The following VSTM2A variants were observed in gnomAD, a reference collection of about 807,000 sequenced individuals.
The protein encoded by VSTM2A is V-set and transmembrane domain containing 2A, also known as V-set and transmembrane domain-containing protein 2A.
A neutral mutation model predicts 27.3 loss-of-function variants in VSTM2A; 13 were observed. The ratio of observed to expected loss-of-function variants is 0.48; its 90% CI spans 0.31 to 0.76. The LOEUF (loss-of-function observed/expected upper bound fraction) is 0.76, where lower values mean the gene tolerates loss of function less well. Among genes scored for constraint, VSTM2A ranks in the 30% least tolerant of loss-of-function variants. The pLI, the probability that VSTM2A is intolerant of heterozygous loss-of-function variation, is 0.05. For missense variants in VSTM2A, 280 were observed against 310.0 expected (o/e 0.90, Z 0.73); for synonymous variants, 142 against 125.7 (o/e 1.13, Z -0.87).
At chr7:54,550,218 C>T in intron 4 of VSTM2A, 48 bp downstream of exon 4, 3 of 1,555,972 alleles carry the variant, frequency 1.9e-6, no homozygotes, top group South Asian at 1.2e-5. Flanking sequence ...CACAAACGCT[C>T]CACAGAAAGG....
Position 54,547,009 on chromosome 7 carries a change from G to GA in VSTM2A, c.297+12_297+13insA, listed in dbSNP as rs768635055. The GA allele has an allele frequency of 1.7e-5, 27 of 1,583,778 alleles. No individual in the cohort carries two copies. Among genetic ancestry groups the GA allele is most frequent in the Non-Finnish European group, 2.1e-5 (25 of 1,167,878 alleles). ...GGACCAAGATCAGCGTGAGTGCGGG[G>GA]CGCGCCAAGGGCCGCGGGCCCAGGC... On this transcript the variant is annotated intron_variant, in intron 3 of 4. Coordinates refer to ENST00000402613, the MANE Select transcript of VSTM2A (RefSeq NM_001301009.2).
chr7:54,567,889 G>T (rs934540441), intron 4 of VSTM2A, among the ~76,000 whole-genome samples: 2 of 151,694 alleles, frequency 1.3e-5, no homozygotes, highest in Admixed American at 1.3e-4. Flanking sequence ...CATTTTCCTT[G>T]CAAAATCTCT....
intron 4 of VSTM2A, among the ~76,000 whole-genome samples, chr7:54,553,484 A>T (rs1384299960): frequency 1.3e-5 from 2 of 152,202 alleles, no homozygotes; most frequent in Non-Finnish European, 2.9e-5. Flanking sequence ...TCTATTTGCA[A>T]GAAGCTTATC....
intron 4 of VSTM2A, among the ~76,000 whole-genome samples, chr7:54,555,293 A>G (rs1788319593): frequency 6.6e-6 from 1 of 152,228 alleles, no homozygotes; most frequent in Non-Finnish European, 1.5e-5. Context: ...ATCACAACAG[A>G]GCATGTGTGA....
intron 4 of VSTM2A, chr7:54,558,289 T>A (rs945591925): frequency 1.3e-5 from 2 of 151,938 alleles, no homozygotes; most frequent in Non-Finnish European, 2.9e-5. Context: ...GAGACAAAAA[T>A]AAAATAGGAA....
At chr7:54,543,588 T>G (rs973068726) in intron 1 of VSTM2A, among the ~76,000 whole-genome samples, 11 of 151,256 alleles carry the variant, frequency 7.3e-5, no homozygotes, top group Non-Finnish European at 1.5e-4. Flanking sequence ...ACAGTGTCTC[T>G]CTTTAAACCG....
At position 54,549,962 on chromosome 7, in the gene VSTM2A, C is replaced by G. The variant is rs767081352; in HGVS notation, c.426C>G (p.Ala142=). Residue 142 remains alanine, a synonymous_variant, in exon 4 of 5, where the codon GCC becomes GCG. Transcript: ENST00000402613. ...ANYGELQEHK[A]QAYLKVNANS... ...ACGGGGAGCTTCAGGAACACAAGGC[C>G]CAGGCCTATCTGAAAGTCAATGCCA... 5 of 1,613,544 alleles carry G rather than the reference C, an allele frequency of 3.1e-6. No homozygotes were observed. The African/African-American group carries it at 6.7e-5, about 22-fold the overall frequency.
intron 2 of VSTM2A, chr7:54,546,246 G>C (rs1584044211): frequency 6.4e-6 from 1 of 156,964 alleles, no homozygotes; most frequent in East Asian, 1.7e-4. Context: ...GGAGGGGACG[G>C]AGGGTGACTT....
At chr7:54,544,138 C>G (rs897892185) in intron 1 of VSTM2A, among the ~76,000 whole-genome samples, 1 of 152,160 alleles carries the variant, frequency 6.6e-6, no homozygotes, top group African/African-American at 2.4e-5. Flanking sequence ...TTGCTAATAA[C>G]CGTTTTGATG....
At chr7:54,543,303 A>G (rs566725800) in intron 1 of VSTM2A, among the ~76,000 whole-genome samples, 3 of 152,212 alleles carry the variant, frequency 2.0e-5, no homozygotes, top group Admixed American at 2.0e-4. Context: ...AAAAGCCACA[A>G]CTTGCATGAC....
rs1788869729 is a variant in VSTM2A, at chr7:54,570,765, T to C, written c.*1546T>C. On this transcript the variant is annotated 3_prime_UTR_variant, in exon 5 of 5. Coordinates refer to ENST00000402613, the MANE Select transcript of VSTM2A (RefSeq NM_001301009.2). ...AGAGATAAATGACCTAAGTTTTCCT[T>C]CCAGAGAGACTCTTCCATTTTCTCT... 6.6e-6 allele frequency: 1 copy of C among 152,148 alleles called. No homozygotes were observed. Among genetic ancestry groups the C allele is most frequent in the South Asian group, 2.1e-4 (1 of 4,828 alleles). The allele number at this position is 152,148 out of a possible 1,614,324, so 9.4% of individuals were successfully genotyped here.
chr7:54,544,998 A>G (rs1250673961), intron 2 of VSTM2A, among the ~76,000 whole-genome samples: 1 of 152,208 alleles, frequency 6.6e-6, no homozygotes, highest in Non-Finnish European at 1.5e-5. Flanking sequence ...CCTGCTGCCC[A>G]GTTTCTTCCT....
At chr7:54,561,993 C>T (rs1372742847) in intron 4 of VSTM2A, among the ~76,000 whole-genome samples, 1 of 151,972 alleles carries the variant, frequency 6.6e-6, no homozygotes, top group Non-Finnish European at 1.5e-5. Context: ...GGCGTGATCT[C>T]GGCTCACTGC....
chr7:54,545,087 T>A (rs1433165987), intron 2 of VSTM2A, among the ~76,000 whole-genome samples: 1 of 152,026 alleles, frequency 6.6e-6, no homozygotes, highest in African/African-American at 2.4e-5. Context: ...CGCTGCCACA[T>A]CCCGGGACAT....
chr7:54,547,152 T>C (rs1584046486), intron 3 of VSTM2A, 155 bp downstream of exon 3: 3 of 686,762 alleles, frequency 4.4e-6, no homozygotes, highest in Non-Finnish European at 6.8e-6. Flanking sequence ...GAAGCACATT[T>C]AGAGTCCCTA....
In VSTM2A at chr7:54,569,608, A is replaced by G. The variant is rs1222179608; in HGVS notation, c.*389A>G. On this transcript the variant is annotated 3_prime_UTR_variant, in exon 5 of 5. Coordinates refer to ENST00000402613, the MANE Select transcript of VSTM2A (RefSeq NM_001301009.2). ...AACACTGCAAGTCAACAAGGAGGAC[A>G]TTACTTTAAGGAATAACATGAGAAA... is the stretch of plus-strand genomic sequence containing the variant. 1.2e-5 allele frequency: 2 copies of G among 170,696 alleles called. No homozygotes were observed. The highest frequency in any genetic ancestry group is 1.7e-4 in the South Asian group (1 of 5,766). The allele number at this position is 170,696 out of a possible 1,614,324, so 10.6% of individuals were successfully genotyped here. A position where few individuals can be genotyped will look rare whatever the true frequency, so the allele number is the denominator to read the frequency against.
At chr7:54,568,416 T>C (rs1180594722) in intron 4 of VSTM2A, among the ~76,000 whole-genome samples, 3 of 152,136 alleles carry the variant, frequency 2.0e-5, no homozygotes, top group Non-Finnish European at 4.4e-5. Flanking sequence ...GCTTATTGAA[T>C]AAAATATATG....
rs762622220 is a variant in VSTM2A, at chr7:54,549,949, A to G, written c.413A>G (p.Gln138Arg). The G allele has an allele frequency of 9.3e-6, 15 of 1,613,678 alleles. No homozygotes were observed. The highest frequency in any genetic ancestry group is 1.3e-5 in the Non-Finnish European group (15 of 1,179,806). ...RVTDANYGEL[Q>R]EHKAQAYLKV... is the part of the protein sequence containing the mutation. Reference sequence around the variant, plus strand: ...ACTGATGCCAACTACGGGGAGCTTCAGGAACACAAGGCCCAGGCCTATCTG... The same window carrying G: ...ACTGATGCCAACTACGGGGAGCTTCGGGAACACAAGGCCCAGGCCTATCTG... The change falls in exon 4 of 5, where the codon CAG becomes CGG. Residue 138 changes from glutamine to arginine, a missense_variant. By Grantham distance (43) the Gln-to-Arg change is conservative. Transcript: ENST00000402613.
chr7:54,561,091 T>G (rs186574379), intron 4 of VSTM2A, among the ~76,000 whole-genome samples: 1 of 152,288 alleles, frequency 6.6e-6, no homozygotes, highest in African/African-American at 2.4e-5. Flanking sequence ...AATCCTACAT[T>G]TAGGGATTAA....
Sources: allele counts gnomAD v4.1 joint callset (sites outside exome capture counted in the v4.1 genomes callset), GRCh38; gene constraint gnomAD v4.1.1; transcripts MANE v1.5; gene names NCBI Gene and HGNC (gene_info 2026-07-23, HGNC 2026-07-21).